Variants in CDK14 observed in about 807,000 individuals in gnomAD.
The protein encoded by CDK14 is cyclin dependent kinase 14, also known as cyclin-dependent kinase 14.
CDK14 carries 34 observed loss-of-function variants against 60.7 expected under a neutral mutation model. The ratio of observed to expected loss-of-function variants is 0.56; its 90% CI spans 0.43 to 0.75. CDK14 has a LOEUF of 0.75. CDK14 is among the 30% of genes least tolerant of loss of function. CDK14 has a pLI of 0.00. For synonymous variants in CDK14, 197 were observed against 203.7 expected (o/e 0.97, Z 0.28); for missense variants, 482 against 564.1 (o/e 0.85, Z 1.47).
intron 4 of CDK14, among the ~76,000 whole-genome samples, chr7:90,776,592 G>A (rs1253419256): frequency 6.6e-6 from 1 of 152,208 alleles, no homozygotes; most frequent in Non-Finnish European, 1.5e-5. Flanking sequence ...CAGAAGAAGT[G>A]CAAGCACTCA....
rs542932549 is a variant in CDK14, at chr7:90,815,050, TTTG to T, written c.544+24410_544+24412del. 5.9e-5 allele frequency among the ~76,000 whole-genome samples: 9 copies of T among 152,360 alleles called. No homozygotes were observed. The East Asian group carries it at 1.5e-3, about 26-fold the overall frequency. ...TCCTTCTTTTTACTTTTTGTTCATT[TTTG>T]TTGTTGTTGTTTTATTTGTGTACAC... On this transcript the variant is annotated intron_variant, in intron 5 of 14. Coordinates refer to ENST00000380050, the MANE Select transcript of CDK14 (RefSeq NM_001287135.2).
intron 7 of CDK14, among the ~76,000 whole-genome samples, chr7:90,902,587 G>A (rs978358235): frequency 2.2e-4 from 34 of 152,022 alleles, no homozygotes; most frequent in South Asian, 2.1e-4. Flanking sequence ...ATTTTTCACC[G>A]TATATAAAAA....
chr7:91,182,630 A>G (rs1307441581), intron 14 of CDK14, among the ~76,000 whole-genome samples: 1 of 152,060 alleles, frequency 6.6e-6, no homozygotes, highest in Non-Finnish European at 1.5e-5. Flanking sequence ...GCAAGTACGT[A>G]TCTATATTTA....
chr7:90,800,113 A>G (rs117512870), intron 5 of CDK14, among the ~76,000 whole-genome samples: 316 of 152,266 alleles, frequency 2.1e-3, no homozygotes, highest in Non-Finnish European at 3.9e-3. Flanking sequence ...ATGTCTGAGT[A>G]TTCCCATGTG....
intron 11 of CDK14, among the ~76,000 whole-genome samples, chr7:91,065,656 A>AT (rs1282422342): frequency 6.6e-6 from 1 of 152,210 alleles, no homozygotes; most frequent in Non-Finnish European, 1.5e-5. Context: ...GTGCATAAAA[A>AT]TTCTTGTGAA....
intron 2 of CDK14, among the ~76,000 whole-genome samples, chr7:90,668,699 CTTTTTTTT>C (rs59773768): frequency 0.34 from 29,829 of 88,362 alleles, 5,574 homozygotes; most frequent in East Asian, 0.64. Context: ...GACTCGCATT[CTTTTTTTT>C]TTTTTTTTTT....
chr7:90,926,833 T>A (rs1426570488), intron 8 of CDK14, among the ~76,000 whole-genome samples: 1 of 152,184 alleles, frequency 6.6e-6, no homozygotes, highest in East Asian at 1.9e-4. Context: ...TGCCTGCATT[T>A]CTGACTGACC....
chr7:91,136,825 A>G (rs1271438339), intron 14 of CDK14, among the ~76,000 whole-genome samples: 1 of 152,192 alleles, frequency 6.6e-6, no homozygotes, highest in Non-Finnish European at 1.5e-5. Context: ...GTAATGAAAA[A>G]TCTGTTTAAG....
At chr7:90,868,323 A>C (rs1584065354) in intron 6 of CDK14, among the ~76,000 whole-genome samples, 1 of 151,370 alleles carries the variant, frequency 6.6e-6, no homozygotes, top group East Asian at 1.9e-4. Context: ...ACACATACAC[A>C]TACATACACA....
At chr7:91,091,059 G>A (rs971296636) in intron 12 of CDK14, among the ~76,000 whole-genome samples, 5 of 151,342 alleles carry the variant, frequency 3.3e-5, no homozygotes, top group African/African-American at 1.2e-4. Flanking sequence ...ATAAAGCGTA[G>A]GTTTGTATCA....
intron 10 of CDK14, among the ~76,000 whole-genome samples, chr7:91,043,723 T>C (rs951954211): frequency 6.7e-6 from 1 of 148,472 alleles, no homozygotes; most frequent in African/African-American, 2.5e-5. Context: ...CTATTGATGT[T>C]AGTATTAATT....
intron 11 of CDK14, among the ~76,000 whole-genome samples, chr7:91,065,872 A>G (rs1797960250): frequency 6.6e-6 from 1 of 152,198 alleles, no homozygotes; most frequent in African/African-American, 2.4e-5. Flanking sequence ...GTTATTTGTA[A>G]CATAAACAAA....
intron 5 of CDK14, among the ~76,000 whole-genome samples, chr7:90,836,884 A>T (rs959084410): frequency 6.6e-6 from 1 of 152,236 alleles, no homozygotes; most frequent in African/African-American, 2.4e-5. Flanking sequence ...TATGTACAGT[A>T]CATCATTGAC....
intron 2 of CDK14, among the ~76,000 whole-genome samples, chr7:90,643,809 T>C (rs1800400233): frequency 6.6e-6 from 1 of 152,166 alleles, no homozygotes; most frequent in African/African-American, 2.4e-5. Context: ...CAGCAGTAAA[T>C]TGAAAAACCT....
At chr7:90,608,387 G>A (rs146872711) in intron 2 of CDK14, 34 of 173,886 alleles carry the variant, frequency 2.0e-4, no homozygotes, top group Non-Finnish European at 3.4e-4. Flanking sequence ...GAACTTTGGA[G>A]ACAAAAGCTC....
At chr7:91,005,672 A>G (rs1795963870) in intron 10 of CDK14, among the ~76,000 whole-genome samples, 1 of 152,248 alleles carries the variant, frequency 6.6e-6, no homozygotes, top group African/African-American at 2.4e-5. Flanking sequence ...ACCCTGGAAC[A>G]TAAGCAATTT....
In CDK14 at chr7:90,639,779, G is replaced by A. The variant is rs985269478; in HGVS notation, c.123+35530G>A. The stretch of plus-strand genomic sequence containing the variant: ...AGCTGTGTTGGGCTCCACCCAGTTC[G>A]AGCTTCCCGGCTGCTTTGTTTACCT... On this transcript the variant is annotated intron_variant, in intron 2 of 14. Coordinates refer to ENST00000380050, the MANE Select transcript of CDK14 (RefSeq NM_001287135.2). Among the ~76,000 whole-genome samples, 10 of 152,022 alleles carry A rather than the reference G, an allele frequency of 6.6e-5. No homozygotes were observed. In the East Asian group the frequency reaches 1.4e-3, roughly 21 times the overall value.
At chr7:91,035,092 G>GACTA (rs1562877137) in intron 10 of CDK14, among the ~76,000 whole-genome samples, 1 of 152,206 alleles carries the variant, frequency 6.6e-6, no homozygotes, top group East Asian at 1.9e-4. Flanking sequence ...AAGCTTTCAT[G>GACTA]ACTAACTTCT....
chr7:90,703,363 A>G (rs1205038024), intron 2 of CDK14, among the ~76,000 whole-genome samples: 1 of 152,200 alleles, frequency 6.6e-6, no homozygotes, highest in Non-Finnish European at 1.5e-5. Flanking sequence ...TCCATGCTAC[A>G]CACTTGAGGC....
Sources: gnomAD v4.1 joint callset for allele counts (sites outside exome capture counted in the v4.1 genomes callset) on GRCh38, gnomAD v4.1.1 for gene constraint, MANE v1.5 for transcripts, NCBI Gene and HGNC (gene_info 2026-07-23, HGNC 2026-07-21) for gene names.